Variants in SMURF1 observed in about 807,000 individuals in gnomAD.
SMURF1 encodes SMAD specific E3 ubiquitin protein ligase 1, also known as E3 ubiquitin-protein ligase SMURF1.
A neutral mutation model predicts 98.0 loss-of-function variants in SMURF1; 44 were observed. The ratio of observed to expected loss-of-function variants is 0.45; its 90% CI spans 0.35 to 0.58. SMURF1 has a LOEUF of 0.58. Ranked by LOEUF, SMURF1 falls within the 20% of genes least tolerant of loss-of-function variation. The pLI is 0.00. For synonymous variants in SMURF1, 396 were observed against 374.9 expected (o/e 1.06, Z -0.65); for missense variants, 687 against 938.4 (o/e 0.73, Z 3.50).
intron 1 of SMURF1, among the ~76,000 whole-genome samples, chr7:99,130,535 A>G (rs944983521): frequency 6.6e-6 from 1 of 152,228 alleles, no homozygotes; most frequent in Non-Finnish European, 1.5e-5. Context: ...AACAAAATTT[A>G]TGGGGCTAAG....
chr7:99,111,202 A>G (rs1052581912), intron 1 of SMURF1, among the ~76,000 whole-genome samples: 3 of 152,246 alleles, frequency 2.0e-5, no homozygotes, highest in African/African-American at 7.2e-5. Flanking sequence ...ATGATACAAA[A>G]AGGCAGTTCA....
intron 1 of SMURF1, among the ~76,000 whole-genome samples, chr7:99,116,519 G>A (rs1797458282): frequency 6.6e-6 from 1 of 152,130 alleles, no homozygotes; most frequent in Admixed American, 6.5e-5. Context: ...CTGCAGAACT[G>A]CAAAATACAA....
At position 99,138,449 on chromosome 7, in the gene SMURF1, CA is replaced by C. The variant is rs1369135695; in HGVS notation, c.55+5276del. Among the ~76,000 whole-genome samples the C allele has an allele frequency of 2.0e-5, 3 of 152,204 alleles. No homozygotes were observed. The East Asian group carries it at 5.8e-4, about 29-fold the overall frequency. Reference sequence around the variant, plus strand: ...ATGAGGAAATATTTCATAAATAACACAGCCTCCAAAACCTTTCTTTCACCCA... The same window carrying C: ...ATGAGGAAATATTTCATAAATAACACGCCTCCAAAACCTTTCTTTCACCCA... On this transcript the variant is annotated intron_variant, in intron 1 of 17. Coordinates refer to ENST00000361368, the MANE Select transcript of SMURF1 (RefSeq NM_181349.3).
At position 99,040,449 on chromosome 7, in the gene SMURF1, C is replaced by T. The variant is rs755789629; in HGVS notation, c.1479G>A (p.Leu493=). 1.9e-6 allele frequency: 3 copies of T among 1,595,378 alleles called. No individual in the cohort carries two copies. Among genetic ancestry groups the T allele is most frequent in the South Asian group, 2.3e-5 (2 of 87,974 alleles). ...GATCTGAGAGCTGGATGGGCTTCCC[C>T]AGCAGCTGCTTGTAGAAGGGCACTG... is the stretch of plus-strand genomic sequence containing the variant. The part of the protein sequence containing the change: ...GFTVPFYKQL[L]GKPIQLSDLE... The change falls in exon 13 of 18, where the codon CTG becomes CTA. Residue 493 remains leucine, a synonymous_variant. Coordinates refer to ENST00000361368, the MANE Select transcript of SMURF1 (RefSeq NM_181349.3).
chr7:99,099,662 T>G (rs1438345574), intron 1 of SMURF1, among the ~76,000 whole-genome samples: 1 of 152,038 alleles, frequency 6.6e-6, no homozygotes, highest in Admixed American at 6.6e-5. Flanking sequence ...GGGGTGGAGC[T>G]CTCATGAATA....
intron 1 of SMURF1, among the ~76,000 whole-genome samples, chr7:99,116,615 T>C (rs1797461742): frequency 6.6e-6 from 1 of 152,066 alleles, no homozygotes; most frequent in Non-Finnish European, 1.5e-5. Context: ...CCATCTACAT[T>C]AGCATCAAAG....
chr7:99,048,934 T>C (rs1355830209), intron 9 of SMURF1: 1 of 152,102 alleles, frequency 6.6e-6, no homozygotes, highest in Non-Finnish European at 1.5e-5. Flanking sequence ...CTACTAAAAA[T>C]ACAATAATTA....
intron 1 of SMURF1, among the ~76,000 whole-genome samples, chr7:99,100,954 T>A (rs374245907): frequency 6.6e-6 from 1 of 152,100 alleles, no homozygotes; most frequent in Non-Finnish European, 1.5e-5. Flanking sequence ...AAGAACACTA[T>A]ACATAATGAA....
intron 1 of SMURF1, among the ~76,000 whole-genome samples, chr7:99,097,403 A>G (rs146101719): frequency 3.7e-4 from 56 of 152,316 alleles, no homozygotes; most frequent in African/African-American, 1.2e-3. Flanking sequence ...CTTCAATGCA[A>G]CTGTGCTGGG....
chr7:99,142,666 T>G (rs1584227033), intron 1 of SMURF1, among the ~76,000 whole-genome samples: 4 of 20,560 alleles, frequency 1.9e-4, no homozygotes, highest in Admixed American at 6.5e-4. Flanking sequence ...CGAAAGAGGA[T>G]GGGGGAGTGA....
At chr7:99,052,988 C>CA (rs1795797263) in intron 6 of SMURF1, among the ~76,000 whole-genome samples, 1 of 152,164 alleles carries the variant, frequency 6.6e-6, no homozygotes, top group Non-Finnish European at 1.5e-5. Context: ...ACCCAGGAGG[C>CA]AGAGGTTGCA....
intron 1 of SMURF1, among the ~76,000 whole-genome samples, chr7:99,089,597 T>C (rs1166803085): frequency 6.6e-6 from 1 of 152,072 alleles, no homozygotes; most frequent in Non-Finnish European, 1.5e-5. Flanking sequence ...GCCATGATCA[T>C]ACCATTGCCC....
At position 99,037,055 on chromosome 7, in the gene SMURF1, GCAGGCA is replaced by G. The variant is rs747989842; in HGVS notation, c.1809+6_1809+11del. The G allele has an allele frequency of 6.2e-7, 1 of 1,613,518 alleles. No individual in the cohort carries two copies. The highest frequency in any genetic ancestry group is 1.1e-5 in the South Asian group (1 of 91,046). On this transcript the variant is annotated splice_donor_region_variant and intron_variant, in intron 15 of 17. Transcript: ENST00000361368. ...GGACGCCCTGGGTCGACTCCGCACA[GCAGGCA>G]CATACCTCCAGTTCCTTCTGGTCAA...
At chr7:99,092,775 T>C (rs947024354) in intron 1 of SMURF1, among the ~76,000 whole-genome samples, 1 of 152,174 alleles carries the variant, frequency 6.6e-6, no homozygotes. Flanking sequence ...CCACGATATA[T>C]AGTGAGTAAG....
At chr7:99,089,073 G>A (rs553423543) in intron 1 of SMURF1, among the ~76,000 whole-genome samples, 2 of 151,952 alleles carry the variant, frequency 1.3e-5, no homozygotes, top group East Asian at 1.9e-4. Context: ...GCGTGGTGGC[G>A]TGCGCCTGTA....
At chr7:99,059,647 C>T (rs1488585920) in intron 3 of SMURF1, among the ~76,000 whole-genome samples, 5 of 152,102 alleles carry the variant, frequency 3.3e-5, no homozygotes, top group African/African-American at 9.6e-5. Flanking sequence ...CAGTGGCTCA[C>T]GCCTGTAATC....
chr7:99,080,761 C>A (rs1796562330), intron 1 of SMURF1, among the ~76,000 whole-genome samples: 1 of 152,132 alleles, frequency 6.6e-6, no homozygotes, highest in African/African-American at 2.4e-5. Flanking sequence ...ACAACAAAAG[C>A]AAGCAAAATT....
At chr7:99,109,826 C>T (rs1797281334) in intron 1 of SMURF1, among the ~76,000 whole-genome samples, 1 of 152,192 alleles carries the variant, frequency 6.6e-6, no homozygotes, top group South Asian at 2.1e-4. Context: ...GTTTTCTCCA[C>T]ATGATAAAAT....
At position 99,054,773 on chromosome 7, in the gene SMURF1, G is replaced by A; in HGVS notation, c.479+17C>T. The stretch of plus-strand genomic sequence containing the variant: ...CAGCAGAGAACTCAGCCCGCCTCTT[G>A]CTGTGGTTATACGTACCCTTCATTT... On this transcript the variant is annotated intron_variant, in intron 6 of 17. Transcript: ENST00000361368. 6.2e-7 allele frequency: 1 copy of A among 1,613,100 alleles called. No homozygotes were observed. Among genetic ancestry groups the A allele is most frequent in the South Asian group, 1.1e-5 (1 of 91,052 alleles).
Sources: allele counts gnomAD v4.1 joint callset (sites outside exome capture counted in the v4.1 genomes callset), GRCh38; gene constraint gnomAD v4.1.1; transcripts MANE v1.5; gene names NCBI Gene and HGNC (gene_info 2026-07-23, HGNC 2026-07-21).